Variants in ANXA2 observed in about 807,000 individuals in gnomAD.
The protein encoded by ANXA2 is annexin II.
Under a neutral mutation model 47.3 loss-of-function variants are expected in ANXA2, and 28 were observed. The ratio of observed to expected loss-of-function variants is 0.59; its 90% CI spans 0.44 to 0.81. The LOEUF (loss-of-function observed/expected upper bound fraction) is 0.81. ANXA2 is among the 40% of genes least tolerant of loss of function. ANXA2 has a pLI of 0.00. For missense variants in ANXA2, 384 were observed against 414.3 expected, an observed-to-expected ratio of 0.93 and a Z score of 0.64; for synonymous variants, 172 against 155.5, an observed-to-expected ratio of 1.11 and a Z score of -0.79.
At chr15:60,382,557 A>G (rs2062877403) in intron 2 of ANXA2, 116 bp from the exon 3 acceptor site, 1 of 661,342 alleles carries the variant, frequency 1.5e-6, no homozygotes, top group African/African-American at 1.8e-5. Flanking sequence ...TCATTCTCAT[A>G]CTAGGTAACT....
chr15:60,388,224 C>T (rs529992422), intron 1 of ANXA2, among the ~76,000 whole-genome samples: 63 of 152,156 alleles, frequency 4.1e-4, no homozygotes, highest in African/African-American at 1.5e-3. Flanking sequence ...TAGTCTTGCT[C>T]TGTAGCAGAA....
intron 3 of ANXA2, among the ~76,000 whole-genome samples, chr15:60,380,611 G>A (rs1005736964): frequency 6.6e-6 from 1 of 151,480 alleles, no homozygotes; most frequent in Admixed American, 6.6e-5. Flanking sequence ...TCGAGACCAG[G>A]CTGACCAACA....
intron 3 of ANXA2, among the ~76,000 whole-genome samples, chr15:60,380,191 T>A (rs574763852): frequency 1.3e-4 from 20 of 152,286 alleles, no homozygotes; most frequent in Non-Finnish European, 2.6e-4. Flanking sequence ...ATATTTTGAG[T>A]ACCATCTATA....
In ANXA2 at chr15:60,365,826, G is replaced by GTCTCCC. The variant is rs200989736; in HGVS notation, c.149-1309_149-1304dup. On this transcript the variant is annotated intron_variant, in intron 3 of 12. Transcript: ENST00000451270. Reference sequence around the variant, plus strand: ...AACATAGAAATCCAATTGCTGCTGAGTCTCCCTCTCCCTCTCCCTCTCCCC... The same window carrying GTCTCCC: ...AACATAGAAATCCAATTGCTGCTGAGTCTCCCTCTCCCTCTCCCTCTCCCTCTCCCC... 2.0e-3 allele frequency among the ~76,000 whole-genome samples: 210 copies of GTCTCCC among 104,476 alleles called. 3 individuals carry two copies. The highest frequency in any genetic ancestry group is 2.6e-3 in the African/African-American group (64 of 24,392). 68.5% of individuals were successfully genotyped at this position (104,476 alleles called of 152,430 possible).
intron 4 of ANXA2, among the ~76,000 whole-genome samples, chr15:60,363,914 G>T (rs539175593): frequency 6.6e-6 from 1 of 152,204 alleles, no homozygotes; most frequent in Non-Finnish European, 1.5e-5. Flanking sequence ...GTTGCTACAT[G>T]TACAAAACTG....
intron 7 of ANXA2, chr15:60,355,414 A>G: frequency 4.5e-6 from 1 of 220,504 alleles, no homozygotes; most frequent in Admixed American, 5.4e-5. Flanking sequence ...ATTAAGCTAC[A>G]CGCTGGCCAG....
At chr15:60,388,148 A>T (rs1368710536) in intron 1 of ANXA2, among the ~76,000 whole-genome samples, 1 of 151,812 alleles carries the variant, frequency 6.6e-6, no homozygotes, top group African/African-American at 2.4e-5. Flanking sequence ...AGATCACACC[A>T]CTGCACTCCA....
intron 1 of ANXA2, among the ~76,000 whole-genome samples, chr15:60,396,847 ACTG>A (rs2063087025): frequency 6.6e-6 from 1 of 152,232 alleles, no homozygotes; most frequent in African/African-American, 2.4e-5. Context: ...CCATGAGGCC[ACTG>A]CTCTTTTACA....
chr15:60,395,690 C>G (rs1869490), intron 1 of ANXA2: 1 of 152,200 alleles, frequency 6.6e-6, no homozygotes, highest in Admixed American at 6.5e-5. Flanking sequence ...ACACAAGATG[C>G]TAAATATTGA....
intron 5 of ANXA2, 147 bp downstream of exon 5, chr15:60,360,794 C>T (rs2062501160): frequency 6.4e-6 from 4 of 621,902 alleles, no homozygotes; most frequent in Non-Finnish European, 1.2e-5. Flanking sequence ...GGTACAAATC[C>T]TGAGACATAT....
At chr15:60,351,349 G>A (rs928249967) in intron 10 of ANXA2, 98 bp from the exon 11 acceptor site, 15 of 1,232,608 alleles carry the variant, frequency 1.2e-5, no homozygotes, top group Non-Finnish European at 1.8e-5. Flanking sequence ...AACCAGAAGT[G>A]ACCTAATGCA....
chr15:60,360,288 A>G (rs778988743), intron 5 of ANXA2, among the ~76,000 whole-genome samples: 4 of 152,176 alleles, frequency 2.6e-5, no homozygotes, highest in African/African-American at 4.8e-5. Flanking sequence ...AAAAAACTTG[A>G]TATTTTAAGT....
intron 6 of ANXA2, among the ~76,000 whole-genome samples, chr15:60,356,425 A>G (rs1457801098): frequency 3.3e-5 from 5 of 152,220 alleles, no homozygotes; most frequent in Non-Finnish European, 1.5e-5. Context: ...AGAATTAAAC[A>G]ATGCTTTTGA....
chr15:60,385,349 C>T (rs1054255397), intron 2 of ANXA2, among the ~76,000 whole-genome samples: 12 of 152,180 alleles, frequency 7.9e-5, no homozygotes, highest in African/African-American at 2.9e-4. Context: ...AGGCAGATCA[C>T]GAAGTCAAGA....
intron 3 of ANXA2, among the ~76,000 whole-genome samples, chr15:60,378,073 G>T (rs2062805954): frequency 6.6e-6 from 1 of 152,048 alleles, no homozygotes; most frequent in African/African-American, 2.4e-5. Context: ...CTGCACCCCA[G>T]CCTGGGCAAC....
intron 5 of ANXA2, 90 bp from the exon 6 acceptor site, chr15:60,357,326 T>C: frequency 9.3e-7 from 1 of 1,069,756 alleles, no homozygotes; most frequent in Non-Finnish European, 1.4e-6. Context: ...ATTGCAAACA[T>C]GGATTGGGTC....
chr15:60,384,431 G>C (rs1396811822), intron 2 of ANXA2: 2 of 152,216 alleles, frequency 1.3e-5, no homozygotes, highest in Admixed American at 6.5e-5. Context: ...AATGAAATTA[G>C]TGAGACAAAG....
intron 1 of ANXA2, chr15:60,393,682 C>G (rs146325403): frequency 1.0e-6 from 1 of 985,232 alleles, no homozygotes; most frequent in African/African-American, 1.7e-5. Context: ...TCATAAATGC[C>G]GCCTTTCTCA....
chr15:60,359,516 T>C (rs921671530), intron 5 of ANXA2, among the ~76,000 whole-genome samples: 1 of 152,166 alleles, frequency 6.6e-6, no homozygotes, highest in African/African-American at 2.4e-5. Flanking sequence ...ACAGTCTACT[T>C]AGGAAACTCA....
Sources: allele counts gnomAD v4.1 joint callset (sites outside exome capture counted in the v4.1 genomes callset), GRCh38; gene constraint gnomAD v4.1.1; transcripts MANE v1.5; gene names NCBI Gene and HGNC (gene_info 2026-07-23, HGNC 2026-07-21).